Variants in OPHN1 observed in about 807,000 individuals in gnomAD.
The protein encoded by OPHN1 is oligophrenin-1.
A neutral mutation model predicts 60.7 loss-of-function variants in OPHN1; 11 were observed. The observed-to-expected ratio is 0.18, with a 90% CI of 0.11 to 0.30. OPHN1 has a LOEUF of 0.30. Among genes scored for constraint, OPHN1 ranks in the 10% least tolerant of loss-of-function variants. The probability of loss-of-function intolerance (pLI) is 1.00; values close to 1 mark genes in which losing one functional copy is unlikely to be tolerated. For synonymous variants in OPHN1, 226 were observed against 222.6 expected, an observed-to-expected ratio of 1.02 and a Z score of -0.14; for missense variants, 449 against 611.0, an observed-to-expected ratio of 0.73 and a Z score of 2.80.
chrX:68,175,082 C>CA (rs1053433402), intron 15 of OPHN1, among the ~76,000 whole-genome samples: 156 of 91,270 alleles, frequency 1.7e-3, no homozygotes, highest in Non-Finnish European at 2.7e-3. Flanking sequence ...GACTCTGTCT[C>CA]AAAAAAAAAA....
chrX:68,143,618 A>T (rs1425941480), intron 15 of OPHN1, among the ~76,000 whole-genome samples: 1 of 111,260 alleles, frequency 9.0e-6, no homozygotes. Context: ...GGGGTCTAGC[A>T]TTTTCATATG....
At chrX:68,183,327 C>T (rs1021140269) in intron 15 of OPHN1, among the ~76,000 whole-genome samples, 1 of 111,637 alleles carries the variant, frequency 9.0e-6, no homozygotes, top group African/African-American at 3.3e-5. Flanking sequence ...TCATAATATG[C>T]CACCCCAAAA....
At chrX:68,295,726 G>C (rs1438098493) in intron 3 of OPHN1, among the ~76,000 whole-genome samples, 2 of 112,065 alleles carry the variant, frequency 1.8e-5, no homozygotes, top group Non-Finnish European at 3.8e-5. Flanking sequence ...GTAAGTCCTA[G>C]AGCTGATCGT....
intron 2 of OPHN1, among the ~76,000 whole-genome samples, chrX:68,320,148 G>A (rs1378420362): frequency 8.1e-5 from 9 of 110,843 alleles, no homozygotes; most frequent in Non-Finnish European, 1.9e-5. Context: ...TCAGGAGTTC[G>A]AGACCAGCCT....
In OPHN1 at chrX:68,299,163, A is replaced by G. The variant is rs5965537; in HGVS notation, c.155-67T>C. ...TGCTTTGATCTATTTCCTCATCTCT[A>G]TAAGAGCAGATAAAAGAAAACCAAA... On this transcript the variant is annotated intron_variant, in intron 2 of 24. Transcript: ENST00000355520. 0.032 allele frequency: 22,428 copies of G among 711,204 alleles called. 2,378 individuals are homozygous for G. The African/African-American group carries it at 0.36, about 11-fold the overall frequency. 58.6% of individuals were successfully genotyped at this position (711,204 alleles called of 1,213,427 possible). A position where few individuals can be genotyped will look rare whatever the true frequency, so the allele number is the denominator to read the frequency against.
chrX:68,406,372 G>T (rs1336278833), intron 2 of OPHN1, among the ~76,000 whole-genome samples: 1 of 111,246 alleles, frequency 9.0e-6, no homozygotes, highest in African/African-American at 3.3e-5. Context: ...AGCACTTTGG[G>T]AGGCCGAGGT....
chrX:68,075,416 C>T (rs1435016326), intron 19 of OPHN1, among the ~76,000 whole-genome samples: 1 of 112,076 alleles, frequency 8.9e-6, no homozygotes, highest in Admixed American at 9.5e-5. Flanking sequence ...GATGTAAATT[C>T]TCACAAAATT....
At chrX:68,291,993 G>A (rs1196893069) in intron 3 of OPHN1, among the ~76,000 whole-genome samples, 1 of 111,690 alleles carries the variant, frequency 9.0e-6, no homozygotes, top group Non-Finnish European at 1.9e-5. Flanking sequence ...TGGGCTAAAC[G>A]TTACCAATGT....
At chrX:68,255,652 C>A (rs2077858934) in intron 5 of OPHN1, among the ~76,000 whole-genome samples, 1 of 109,981 alleles carries the variant, frequency 9.1e-6, no homozygotes, top group Admixed American at 9.8e-5. Context: ...TGCCAGCCTG[C>A]CCTACAGATT....
At chrX:68,287,734 A>G (rs748496452) in intron 3 of OPHN1, among the ~76,000 whole-genome samples, 2 of 112,366 alleles carry the variant, frequency 1.8e-5, no homozygotes, top group African/African-American at 6.4e-5. Flanking sequence ...TTAAAATGTC[A>G]TAGAGCTCAG....
intron 5 of OPHN1, among the ~76,000 whole-genome samples, chrX:68,235,756 G>C (rs1057347866): frequency 9.0e-6 from 1 of 110,520 alleles, no homozygotes; most frequent in Non-Finnish European, 1.9e-5. Context: ...TACTTGGGAG[G>C]CTGAGGCAGG....
chrX:68,245,662 A>G (rs1235847783), intron 5 of OPHN1, among the ~76,000 whole-genome samples: 1 of 112,357 alleles, frequency 8.9e-6, no homozygotes, highest in Non-Finnish European at 1.9e-5. Flanking sequence ...CAGGACTTCT[A>G]TCTGGTTCAG....
At chrX:68,218,243 G>T (rs761015935) in intron 6 of OPHN1, among the ~76,000 whole-genome samples, 56 of 101,477 alleles carry the variant, frequency 5.5e-4, no homozygotes, top group African/African-American at 1.9e-3. Context: ...AGAATAAAAA[G>T]AAATGAGCAA....
At chrX:68,232,988 G>C (rs2077735806) in intron 6 of OPHN1, among the ~76,000 whole-genome samples, 1 of 107,258 alleles carries the variant, frequency 9.3e-6, no homozygotes, top group Admixed American at 1.0e-4. Flanking sequence ...GAGTGCAATG[G>C]AGTGATCTCA....
chrX:68,287,434 G>A (rs1436291755), intron 3 of OPHN1, among the ~76,000 whole-genome samples: 1 of 105,596 alleles, frequency 9.5e-6, no homozygotes, highest in African/African-American at 3.5e-5. Context: ...GCCAAGGCAG[G>A]AGGATTGCTT....
chrX:68,296,876 C>T (rs1330373665), intron 3 of OPHN1, among the ~76,000 whole-genome samples: 1 of 110,683 alleles, frequency 9.0e-6, no homozygotes, highest in Non-Finnish European at 1.9e-5. Flanking sequence ...CCACAGGAAC[C>T]TGGCATCACC....
At chrX:68,075,361 C>T (rs1337119933) in intron 19 of OPHN1, among the ~76,000 whole-genome samples, 1 of 112,178 alleles carries the variant, frequency 8.9e-6, no homozygotes, top group Non-Finnish European at 1.9e-5. Flanking sequence ...TCTAGATAAA[C>T]TGAGATATAT....
At chrX:68,048,149 T>A (rs1257135532) in intron 24 of OPHN1, among the ~76,000 whole-genome samples, 1 of 111,887 alleles carries the variant, frequency 8.9e-6, no homozygotes, top group Non-Finnish European at 1.9e-5. Context: ...TTAATAAATT[T>A]GATTCAAAGG....
chrX:68,261,138 G>T (rs1171348181), intron 5 of OPHN1, among the ~76,000 whole-genome samples: 7 of 111,165 alleles, frequency 6.3e-5, no homozygotes, highest in Non-Finnish European at 9.4e-5. Context: ...CCATGAAGTG[G>T]GTTAAATGCA....
Sources: allele counts gnomAD v4.1 joint callset (sites outside exome capture counted in the v4.1 genomes callset), GRCh38; gene constraint gnomAD v4.1.1; transcripts MANE v1.5; gene names NCBI Gene and HGNC (gene_info 2026-07-23, HGNC 2026-07-21).